The following SLC30A9 variants were observed in gnomAD, a reference collection of about 807,000 sequenced individuals.
SLC30A9 encodes proton-coupled zinc antiporter SLC30A9, mitochondrial.
A neutral mutation model predicts 87.5 loss-of-function variants in SLC30A9; 58 were observed. The observed-to-expected ratio is 0.66, with a 90% CI of 0.54 to 0.82. SLC30A9 has a LOEUF of 0.82. Among genes scored for constraint, SLC30A9 ranks in the 40% least tolerant of loss-of-function variants. The pLI is 0.00. For synonymous variants in SLC30A9, 234 were observed against 233.0 expected (o/e 1.00, Z -0.04); for missense variants, 557 against 679.1 (o/e 0.82, Z 2.00).
At chr4:42,043,595 G>A (rs1717010123) in intron 8 of SLC30A9, among the ~76,000 whole-genome samples, 1 of 152,180 alleles carries the variant, frequency 6.6e-6, no homozygotes, top group African/African-American at 2.4e-5. Flanking sequence ...ACATTTGGTT[G>A]GTGTACCTGA....
chr4:42,077,371 C>G (rs555459623), intron 16 of SLC30A9, among the ~76,000 whole-genome samples: 18 of 152,250 alleles, frequency 1.2e-4, no homozygotes, highest in African/African-American at 3.8e-4. Flanking sequence ...ATTTGCATTA[C>G]ACTTATAGAT....
At chr4:42,022,997 G>T in intron 5 of SLC30A9, 67 bp downstream of exon 5, 1 of 875,268 alleles carries the variant, frequency 1.1e-6, no homozygotes, top group South Asian at 1.8e-5. Context: ...ATACATTTTA[G>T]ACAGAGTCAG....
chr4:42,067,096 C>A lies in SLC30A9; in HGVS notation c.1156C>A (p.Arg386Ser). ...TCCCCAATGACTAGTAATGGAAAGTCGTGATCCTAGTACAAATGTGATATT... is the reference window on the plus strand; with the variant it reads ...TCCCCAATGACTAGTAATGGAAAGTAGTGATCCTAGTACAAATGTGATATT... Reference protein sequence around the residue: ...MSFYKYVMESRDPSTNVILLE... With the variant: ...MSFYKYVMESSDPSTNVILLE... The change falls in exon 14 of 18, where the codon CGT becomes AGT. Residue 386 changes from arginine (R) to serine (S), a missense_variant. This residue lies in a region of SLC30A9 where 467 missense variants were observed against 529.8 expected (regional missense o/e 0.88). Coordinates refer to ENST00000264451, the MANE Select transcript of SLC30A9 (RefSeq NM_006345.4). 1 of 1,607,964 alleles carries A rather than the reference C, an allele frequency of 6.2e-7. No homozygotes were observed. Among genetic ancestry groups the A allele is most frequent in the Admixed American group, 1.7e-5 (1 of 59,918 alleles).
At chr4:42,071,194 CTT>C (rs1469452471) in intron 15 of SLC30A9, among the ~76,000 whole-genome samples, 3 of 151,892 alleles carry the variant, frequency 2.0e-5, no homozygotes, top group African/African-American at 7.3e-5. Flanking sequence ...GAACTGGAGA[CTT>C]AGGAGATAAT....
chr4:41,994,059 A>C (rs899691794), intron 1 of SLC30A9, among the ~76,000 whole-genome samples: 1 of 152,148 alleles, frequency 6.6e-6, no homozygotes, highest in African/African-American at 2.4e-5. Context: ...TGGGAGACTG[A>C]GGCAGGAGAA....
At chr4:42,009,024 T>C (rs1715332426) in intron 2 of SLC30A9, among the ~76,000 whole-genome samples, 1 of 152,094 alleles carries the variant, frequency 6.6e-6, no homozygotes, top group Admixed American at 6.5e-5. Context: ...GGAAAAGAAA[T>C]AGTGATGAAA....
At chr4:42,067,456 T>TA (rs1253801887) in intron 14 of SLC30A9, among the ~76,000 whole-genome samples, 1 of 152,168 alleles carries the variant, frequency 6.6e-6, no homozygotes, top group Non-Finnish European at 1.5e-5. Context: ...AGCTGTGACT[T>TA]AAAAAATTGT....
intron 6 of SLC30A9, among the ~76,000 whole-genome samples, chr4:42,033,368 A>C (rs973743002): frequency 1.3e-5 from 2 of 151,788 alleles, no homozygotes; most frequent in Admixed American, 6.6e-5. Context: ...GCCAGGCTCC[A>C]TGGCTCATGC....
chr4:41,990,833 C>T, intron 1 of SLC30A9, 73 bp downstream of exon 1: 1 of 1,107,402 alleles, frequency 9.0e-7, no homozygotes, highest in Non-Finnish European at 1.3e-6. Context: ...GGCGCCTCGC[C>T]TGGGGCAATT....
At chr4:41,997,713 A>G (rs928073019) in intron 1 of SLC30A9, among the ~76,000 whole-genome samples, 1 of 152,204 alleles carries the variant, frequency 6.6e-6, no homozygotes, top group African/African-American at 2.4e-5. Context: ...CCTGTGATAA[A>G]TAATACCATG....
chr4:42,058,511 A>G (rs1350770243), intron 9 of SLC30A9, among the ~76,000 whole-genome samples: 1 of 152,198 alleles, frequency 6.6e-6, no homozygotes, highest in East Asian at 1.9e-4. Flanking sequence ...TCGGGTATCT[A>G]GAGCAGCACC....
chr4:42,078,655 GA>G (rs1167100390), intron 17 of SLC30A9: 1 of 162,136 alleles, frequency 6.2e-6, no homozygotes, highest in Non-Finnish European at 1.3e-5. Context: ...AGATGAAAAG[GA>G]AACTTTAGAC....
intron 16 of SLC30A9, 150 bp downstream of exon 16, chr4:42,075,936 T>C (rs1718529762): frequency 1.5e-6 from 1 of 660,638 alleles, no homozygotes; most frequent in Non-Finnish European, 2.5e-6. Flanking sequence ...TTATATTTAC[T>C]ATGGAGGGGT....
intron 2 of SLC30A9, among the ~76,000 whole-genome samples, chr4:42,002,306 A>G (rs1031114238): frequency 1.3e-5 from 2 of 151,942 alleles, no homozygotes; most frequent in Non-Finnish European, 2.9e-5. Flanking sequence ...TCAGGAGGGT[A>G]CATGTGAGGG....
intron 1 of SLC30A9, among the ~76,000 whole-genome samples, chr4:41,991,916 CTT>C (rs1714460481): frequency 6.6e-6 from 1 of 152,110 alleles, no homozygotes; most frequent in Non-Finnish European, 1.5e-5. Flanking sequence ...AAAGCTGAAT[CTT>C]AGAATTTCAA....
At chr4:42,019,400 G>T (rs1219848439) in intron 3 of SLC30A9, among the ~76,000 whole-genome samples, 1 of 152,236 alleles carries the variant, frequency 6.6e-6, no homozygotes. Context: ...TGCCAAATTG[G>T]TATTGGTATT....
Position 42,082,212 on chromosome 4 carries a change from G to A in SLC30A9, c.1663-3870G>A, listed in dbSNP as rs368175442. ...AGCCTGGGTGACAAACCGAGACTCC[G>A]TCTCAAAAAAAAAAAAAATAAATAA... On this transcript the variant is annotated intron_variant, in intron 17 of 17. Coordinates refer to ENST00000264451, the MANE Select transcript of SLC30A9 (RefSeq NM_006345.4). 1.4e-3 allele frequency among the ~76,000 whole-genome samples: 200 copies of A among 139,372 alleles called. 6 individuals carry two copies. In the South Asian group the frequency reaches 0.043, roughly 30 times the overall value. 91.4% of individuals were successfully genotyped at this position (139,372 alleles called of 152,430 possible).
chr4:42,058,045 T>C (rs1022665763), intron 9 of SLC30A9, among the ~76,000 whole-genome samples: 3 of 142,612 alleles, frequency 2.1e-5, no homozygotes, highest in Non-Finnish European at 4.5e-5. Context: ...GAGGTTACAG[T>C]AAGCCAAGAT....
In SLC30A9 at chr4:42,049,419, T is replaced by C. The variant is rs983146419; in HGVS notation, c.780T>C (p.Tyr260=). 1 of 1,612,412 alleles carries C rather than the reference T, an allele frequency of 6.2e-7. No individual in the cohort carries two copies. The highest frequency in any genetic ancestry group is 8.5e-7 in the Non-Finnish European group (1 of 1,178,862). ...NCFFKFLAWI[Y]TGSASMFSEA... The stretch of plus-strand genomic sequence containing the variant: ...TCTTTAAATTTCTTGCCTGGATTTA[T>C]ACCGGTTCAGCAAGTATGTTCTCAG... Residue 260 remains tyrosine (Y), a synonymous_variant, in exon 9 of 18, where the codon TAT becomes TAC. Coordinates refer to ENST00000264451, the MANE Select transcript of SLC30A9 (RefSeq NM_006345.4).
Sources: allele counts gnomAD v4.1 joint callset (sites outside exome capture counted in the v4.1 genomes callset), GRCh38; gene constraint gnomAD v4.1.1; regional missense constraint gnomAD v4.1.1; transcripts MANE v1.5; gene names NCBI Gene and HGNC (gene_info 2026-07-23, HGNC 2026-07-21).